ROBO1: variants seen among roughly 807,000 people sequenced by gnomAD.
ROBO1 encodes the protein roundabout homolog 1.
In ROBO1, 149 loss-of-function variants were observed where a neutral mutation model predicts 195.9. That is an observed-to-expected ratio of 0.76 (90% CI 0.67 to 0.87). The LOEUF (loss-of-function observed/expected upper bound fraction) is 0.87, where lower values mean the gene tolerates loss of function less well. Among genes scored for constraint, ROBO1 ranks in the 40% least tolerant of loss-of-function variants. The probability of loss-of-function intolerance (pLI) is 0.00; values close to 1 mark genes in which losing one functional copy is unlikely to be tolerated. For missense variants in ROBO1, 1,933 were observed against 2,068.3 expected, an observed-to-expected ratio of 0.93 and a Z score of 1.27; for synonymous variants, 816 against 733.2, an observed-to-expected ratio of 1.11 and a Z score of -1.82.
intron 2 of ROBO1, among the ~76,000 whole-genome samples, chr3:79,127,155 C>T (rs1559679969): frequency 6.6e-6 from 1 of 152,172 alleles, no homozygotes; most frequent in Non-Finnish European, 1.5e-5. Context: ...AAAGCGTCCA[C>T]TTTACCTTTC....
chr3:78,641,166 C>T (rs752971334), intron 21 of ROBO1, among the ~76,000 whole-genome samples: 4 of 151,938 alleles, frequency 2.6e-5, no homozygotes, highest in Non-Finnish European at 4.4e-5. Flanking sequence ...GTGGTCATCA[C>T]GACAATTTTA....
At chr3:79,238,888 G>A (rs1344119980) in intron 2 of ROBO1, among the ~76,000 whole-genome samples, 1 of 152,020 alleles carries the variant, frequency 6.6e-6, no homozygotes, top group Non-Finnish European at 1.5e-5. Flanking sequence ...TTGTCTTTTT[G>A]CCTCTATTTT....
chr3:78,748,129 T>C (rs996478516), intron 4 of ROBO1, among the ~76,000 whole-genome samples: 1 of 152,210 alleles, frequency 6.6e-6, no homozygotes, highest in East Asian at 1.9e-4. Flanking sequence ...TTTGGATTGA[T>C]AAATGTTATT....
intron 2 of ROBO1, among the ~76,000 whole-genome samples, chr3:79,405,584 A>G (rs1455612284): frequency 6.6e-6 from 1 of 152,158 alleles, no homozygotes; most frequent in Non-Finnish European, 1.5e-5. Context: ...ATTTTACTTC[A>G]TCATGAATCT....
At chr3:78,646,230 A>T in intron 20 of ROBO1, 40 bp from the exon 21 acceptor site, 1 of 1,545,280 alleles carries the variant, frequency 6.5e-7, no homozygotes, top group Non-Finnish European at 8.9e-7. Flanking sequence ...ATTAATAGAC[A>T]TATTTATATA....
chr3:79,336,562 C>T (rs1435634864), intron 2 of ROBO1, among the ~76,000 whole-genome samples: 3 of 152,174 alleles, frequency 2.0e-5, no homozygotes, highest in Admixed American at 1.3e-4. Flanking sequence ...TATGGAAACA[C>T]GTGGATATCC....
At chr3:78,693,859 A>G (rs553558233) in intron 8 of ROBO1, among the ~76,000 whole-genome samples, 3 of 152,194 alleles carry the variant, frequency 2.0e-5, no homozygotes, top group Admixed American at 6.5e-5. Flanking sequence ...CATGCTTCTC[A>G]TACGCAAATA....
At chr3:79,092,859 T>A (rs909709857) in intron 3 of ROBO1, among the ~76,000 whole-genome samples, 1 of 152,160 alleles carries the variant, frequency 6.6e-6, no homozygotes, top group Non-Finnish European at 1.5e-5. Context: ...TTATCTTATG[T>A]CATAATTAGA....
At chr3:78,609,311 G>C (rs1457399426) in intron 28 of ROBO1, among the ~76,000 whole-genome samples, 2 of 152,120 alleles carry the variant, frequency 1.3e-5, no homozygotes, top group Non-Finnish European at 2.9e-5. Context: ...CAGAGGTAAT[G>C]GGCTTGAATG....
At chr3:79,248,430 C>T (rs1156496715) in intron 2 of ROBO1, among the ~76,000 whole-genome samples, 1 of 136,268 alleles carries the variant, frequency 7.3e-6, no homozygotes, top group African/African-American at 2.7e-5. Context: ...AAAATGATTT[C>T]AAGTTTCAGT....
At chr3:79,599,439 A>G (rs1944274979) in intron 1 of ROBO1, among the ~76,000 whole-genome samples, 1 of 152,082 alleles carries the variant, frequency 6.6e-6, no homozygotes, top group African/African-American at 2.4e-5. Flanking sequence ...GACGGTTGTC[A>G]ACTGCTGGCT....
At chr3:79,347,635 A>G (rs1277538380) in intron 2 of ROBO1, among the ~76,000 whole-genome samples, 2 of 152,208 alleles carry the variant, frequency 1.3e-5, no homozygotes, top group Non-Finnish European at 2.9e-5. Context: ...GTGTCAATGC[A>G]ATAGTATTGG....
At chr3:79,234,512 A>G (rs1268662231) in intron 2 of ROBO1, among the ~76,000 whole-genome samples, 3 of 152,138 alleles carry the variant, frequency 2.0e-5, no homozygotes, top group Non-Finnish European at 2.9e-5. Flanking sequence ...CCAAAAAGTC[A>G]CATGTACTCA....
At chr3:78,815,608 A>G (rs1020825358) in intron 4 of ROBO1, among the ~76,000 whole-genome samples, 1 of 60,666 alleles carries the variant, frequency 1.6e-5, no homozygotes, top group African/African-American at 5.2e-5. Flanking sequence ...GAAAATAAGC[A>G]GTCTCTAGAA....
At chr3:79,312,320 C>T (rs185395638) in intron 2 of ROBO1, among the ~76,000 whole-genome samples, 115 of 152,170 alleles carry the variant, frequency 7.6e-4, no homozygotes, top group Middle Eastern at 3.4e-3. Context: ...TTTTTCAATT[C>T]GTTTGTCTGT....
intron 2 of ROBO1, among the ~76,000 whole-genome samples, chr3:79,441,560 C>A (rs1248414586): frequency 6.6e-6 from 1 of 151,992 alleles, no homozygotes; most frequent in Admixed American, 6.6e-5. Context: ...TTTTTTACAG[C>A]GAGAAAATAG....
chr3:79,335,398 G>A (rs964922921), intron 2 of ROBO1, among the ~76,000 whole-genome samples: 7 of 152,070 alleles, frequency 4.6e-5, no homozygotes, highest in South Asian at 2.1e-4. Context: ...TGTCAAGGGC[G>A]GGACCAGGTG....
At chr3:78,921,011 C>T (rs1299324216) in intron 4 of ROBO1, among the ~76,000 whole-genome samples, 2 of 152,026 alleles carry the variant, frequency 1.3e-5, no homozygotes, top group South Asian at 2.1e-4. Context: ...ACCTGAGCCT[C>T]GGTTTCATAA....
At chr3:79,533,831 T>C (rs967032929) in intron 2 of ROBO1, among the ~76,000 whole-genome samples, 2 of 152,158 alleles carry the variant, frequency 1.3e-5, no homozygotes, top group African/African-American at 4.8e-5. Context: ...TTTGCAATAC[T>C]GATAGTTTTT....
Sources: gnomAD v4.1 joint callset for allele counts (sites outside exome capture counted in the v4.1 genomes callset) on GRCh38, gnomAD v4.1.1 for gene constraint, MANE v1.5 for transcripts, NCBI Gene and HGNC (gene_info 2026-07-23, HGNC 2026-07-21) for gene names.